The following CLASP2 variants were observed in gnomAD, a reference collection of about 807,000 sequenced individuals.
The protein encoded by CLASP2 is cytoplasmic linker associated protein 2.
A neutral mutation model predicts 194.4 loss-of-function variants in CLASP2; 47 were observed. That is an observed-to-expected ratio of 0.24 (90% CI 0.19 to 0.31). The LOEUF (loss-of-function observed/expected upper bound fraction) is 0.31. CLASP2 is among the 10% of genes least tolerant of loss of function. CLASP2 has a pLI of 1.00. For synonymous variants in CLASP2, 619 were observed against 633.5 expected (o/e 0.98, Z 0.34); for missense variants, 1,445 against 1,823.6 (o/e 0.79, Z 3.78).
chr3:33,644,433 A>G (rs1229559454), intron 8 of CLASP2: 1 of 313,654 alleles, frequency 3.2e-6, no homozygotes, highest in Non-Finnish European at 6.1e-6. Flanking sequence ...GAAAATTAGT[A>G]GCCAAATTCT....
intron 2 of CLASP2, among the ~76,000 whole-genome samples, chr3:33,695,401 A>C (rs1179007833): frequency 1.3e-5 from 2 of 151,802 alleles, no homozygotes; most frequent in African/African-American, 4.8e-5. Flanking sequence ...CAGCTTAAAA[A>C]AAAAAATCTT....
chr3:33,584,449 T>C (rs1001532719), intron 22 of CLASP2, among the ~76,000 whole-genome samples: 5 of 151,500 alleles, frequency 3.3e-5, no homozygotes, highest in Admixed American at 1.3e-4. Flanking sequence ...ATTTTTGTAT[T>C]TTTAGTAGAG....
At chr3:33,545,786 T>C (rs2059064908) in intron 30 of CLASP2, among the ~76,000 whole-genome samples, 1 of 152,014 alleles carries the variant, frequency 6.6e-6, no homozygotes, top group South Asian at 2.1e-4. Flanking sequence ...GGTGTGTGCT[T>C]GTAATCCCAG....
chr3:33,628,507 AAGTT>A lies in CLASP2; in HGVS notation c.943-1431_943-1428del, dbSNP rs1482433997. Among the ~76,000 whole-genome samples the A allele has an allele frequency of 2.0e-5, 3 of 152,248 alleles. No homozygotes were observed. The East Asian group carries it at 5.8e-4, about 29-fold the overall frequency. On this transcript the variant is annotated intron_variant, in intron 9 of 38. Coordinates refer to ENST00000682230, the MANE Select transcript of CLASP2 (RefSeq NM_001365631.1). ...AGCAAAAGAAGCTTGAAAACCCACT[AAGTT>A]AGGTGTCTGTTGCAGTAGAGTGATT...
At position 33,573,112 on chromosome 3, in the gene CLASP2, T is replaced by C. The variant is rs1269140160; in HGVS notation, c.2697A>G (p.Leu899=). The change falls in exon 25 of 39, where the codon CTA becomes CTG. Residue 899 remains leucine (L), a splice_region_variant and synonymous_variant. Transcript: ENST00000682230. ...LQNLLKNQRT[L]SRVELKRLCE... ...CATTTTAAGACAACGCATCTCACCT[T>C]AGTGTTCTCTGATTTTTTAATAAGT... The C allele has an allele frequency of 3.1e-6, 5 of 1,613,644 alleles. No homozygotes were observed. The highest frequency in any genetic ancestry group is 4.2e-6 in the Non-Finnish European group (5 of 1,179,704).
chr3:33,627,353 A>G (rs1205047732), intron 9 of CLASP2: 2 of 371,106 alleles, frequency 5.4e-6, no homozygotes, highest in South Asian at 2.8e-5. Context: ...AAGATGTAAA[A>G]TATCTAAGAA....
At chr3:33,667,383 T>C (rs2086364486) in intron 6 of CLASP2, among the ~76,000 whole-genome samples, 1 of 116,394 alleles carries the variant, frequency 8.6e-6, no homozygotes, top group Non-Finnish European at 1.6e-5. Flanking sequence ...CACTCCAGCC[T>C]GGGTGACAGA....
intron 6 of CLASP2, among the ~76,000 whole-genome samples, chr3:33,682,819 G>C (rs1242933293): frequency 6.6e-6 from 1 of 152,192 alleles, no homozygotes; most frequent in African/African-American, 2.4e-5. Flanking sequence ...TGTTTGGCTA[G>C]AAGTAAGGAT....
chr3:33,523,995 C>G (rs1232747611), intron 34 of CLASP2, among the ~76,000 whole-genome samples: 1 of 151,930 alleles, frequency 6.6e-6, no homozygotes, highest in Non-Finnish European at 1.5e-5. Flanking sequence ...CATTTCACTA[C>G]AAAACAACTA....
intron 16 of CLASP2, 99 bp downstream of exon 16, chr3:33,606,492 T>G: frequency 1.1e-6 from 1 of 914,792 alleles, no homozygotes; most frequent in South Asian, 1.7e-5. Flanking sequence ...CTTTCAAGGC[T>G]TTAGGTGAAA....
intron 33 of CLASP2, among the ~76,000 whole-genome samples, chr3:33,536,053 A>C (rs1576059297): frequency 1.3e-5 from 2 of 152,138 alleles, no homozygotes; most frequent in South Asian, 4.1e-4. Flanking sequence ...AATAATTACT[A>C]CCATGGGTAT....
chr3:33,568,384 C>T (rs2063128098), intron 26 of CLASP2, among the ~76,000 whole-genome samples: 1 of 151,644 alleles, frequency 6.6e-6, no homozygotes, highest in South Asian at 2.1e-4. Context: ...GAGAACCCGT[C>T]TCTACTAAAA....
At chr3:33,618,645 T>G (rs1320400049) in intron 12 of CLASP2, among the ~76,000 whole-genome samples, 1 of 151,638 alleles carries the variant, frequency 6.6e-6, no homozygotes, top group East Asian at 1.9e-4. Context: ...AGACTCTATC[T>G]CAAAATAAAC....
intron 16 of CLASP2, 58 bp downstream of exon 16, chr3:33,606,533 A>C: frequency 7.1e-7 from 1 of 1,401,862 alleles, no homozygotes; most frequent in Non-Finnish European, 9.9e-7. Flanking sequence ...CCAACTTATG[A>C]AACTTCAGGG....
chr3:33,580,876 C>G, intron 23 of CLASP2, among the ~76,000 whole-genome samples: 1 of 149,832 alleles, frequency 6.7e-6, no homozygotes, highest in South Asian at 2.1e-4. Flanking sequence ...ATTAGCCGGG[C>G]GTGGTGGCAG....
intron 8 of CLASP2, among the ~76,000 whole-genome samples, chr3:33,642,783 C>T (rs186434433): frequency 1.3e-5 from 2 of 151,866 alleles, no homozygotes; most frequent in East Asian, 1.9e-4. Context: ...TATCAATATC[C>T]TCTGGCCAGT....
At chr3:33,664,082 CTTAG>C (rs2085764400) in intron 6 of CLASP2, among the ~76,000 whole-genome samples, 2 of 152,038 alleles carry the variant, frequency 1.3e-5, no homozygotes, top group Admixed American at 1.3e-4. Flanking sequence ...TATCACTTTT[CTTAG>C]TTAAAAATGT....
intron 3 of CLASP2, among the ~76,000 whole-genome samples, chr3:33,689,501 T>G (rs954048343): frequency 6.6e-6 from 1 of 152,058 alleles, no homozygotes; most frequent in African/African-American, 2.4e-5. Context: ...TAGCATTCAG[T>G]GTTCTCAAAA....
In CLASP2 at chr3:33,580,624, A is replaced by C. The variant is rs553090417; in HGVS notation, c.2347+1197T>G. Among the ~76,000 whole-genome samples the C allele has an allele frequency of 2.0e-5, 3 of 152,268 alleles. No individual in the cohort carries two copies. In the East Asian group the frequency reaches 5.8e-4, roughly 29 times the overall value. On this transcript the variant is annotated intron_variant, in intron 23 of 38. Coordinates refer to ENST00000682230, the MANE Select transcript of CLASP2 (RefSeq NM_001365631.1). ...TACTACCATATGTATCTGAGGAAATAAGAATTCCACTGGATAAGTAGAACT... is the reference window on the plus strand; with the variant it reads ...TACTACCATATGTATCTGAGGAAATCAGAATTCCACTGGATAAGTAGAACT...
Sources: gnomAD v4.1 joint callset for allele counts (sites outside exome capture counted in the v4.1 genomes callset) on GRCh38, gnomAD v4.1.1 for gene constraint, MANE v1.5 for transcripts, NCBI Gene and HGNC (gene_info 2026-07-23, HGNC 2026-07-21) for gene names.